OTUD7A: variants seen among roughly 807,000 people sequenced by gnomAD.
The protein encoded by OTUD7A is OTU deubiquitinase 7A, also known as OTU domain-containing protein 7A.
A neutral mutation model predicts 65.7 loss-of-function variants in OTUD7A; 12 were observed. The observed-to-expected ratio is 0.18, with a 90% CI of 0.12 to 0.30. The LOEUF (loss-of-function observed/expected upper bound fraction) is 0.30, where lower values mean the gene tolerates loss of function less well. Ranked by LOEUF, OTUD7A falls within the 10% of genes least tolerant of loss-of-function variation. The pLI is 1.00. For synonymous variants in OTUD7A, 641 were observed against 586.3 expected (o/e 1.09, Z -1.35); for missense variants, 1,148 against 1,304.8 (o/e 0.88, Z 1.85).
At chr15:31,658,122 G>A (rs1033254374) in intron 1 of OTUD7A, among the ~76,000 whole-genome samples, 3 of 152,152 alleles carry the variant, frequency 2.0e-5, no homozygotes, top group Admixed American at 6.5e-5. Flanking sequence ...ATGTTATATC[G>A]CCTCTCTGTG....
chr15:31,819,895 G>A (rs1307613230), intron 1 of OTUD7A, among the ~76,000 whole-genome samples: 3 of 151,884 alleles, frequency 2.0e-5, no homozygotes, highest in African/African-American at 4.8e-5. Context: ...AGTATTTATG[G>A]TTTTGTGATT....
chr15:31,671,863 A>G (rs8042718), intron 1 of OTUD7A, among the ~76,000 whole-genome samples: 6,481 of 152,174 alleles, frequency 0.043, 264 homozygotes, highest in African/African-American at 0.11. Context: ...TTATTTTGCC[A>G]CCCAGGTAAT....
chr15:31,792,220 T>G (rs1043944846), intron 1 of OTUD7A, among the ~76,000 whole-genome samples: 4 of 152,184 alleles, frequency 2.6e-5, no homozygotes, highest in African/African-American at 9.6e-5. Context: ...TCATAAAACC[T>G]CTTGTCTGGC....
chr15:31,576,884 A>G (rs1427879905), intron 3 of OTUD7A, among the ~76,000 whole-genome samples: 1 of 152,140 alleles, frequency 6.6e-6, no homozygotes, highest in Non-Finnish European at 1.5e-5. Context: ...TGCCTGAAAA[A>G]CTGAATTCCT....
At chr15:31,667,354 A>T (rs1892349620) in intron 1 of OTUD7A, among the ~76,000 whole-genome samples, 1 of 152,160 alleles carries the variant, frequency 6.6e-6, no homozygotes, top group South Asian at 2.1e-4. Flanking sequence ...TTCCTGTTGG[A>T]CAAGGCCTTT....
chr15:31,555,656 A>C (rs1888465367), intron 5 of OTUD7A, among the ~76,000 whole-genome samples: 1 of 152,118 alleles, frequency 6.6e-6, no homozygotes, highest in Admixed American at 6.5e-5. Context: ...GAGGGTCTTC[A>C]CGTGAGTCTG....
chr15:31,535,786 C>T lies in OTUD7A; in HGVS notation c.551-4978G>A, dbSNP rs1207548087. 7.9e-5 allele frequency among the ~76,000 whole-genome samples: 12 copies of T among 151,292 alleles called. No homozygotes were observed. The South Asian group carries it at 2.5e-3, about 32-fold the overall frequency. The stretch of plus-strand genomic sequence containing the variant: ...CCACCTCCTGGGTTCATGCCATTCT[C>T]CTGCTTCAGCCTCCCGAGTAGCTGG... On this transcript the variant is annotated intron_variant, in intron 5 of 12. Transcript: ENST00000307050.
At chr15:31,500,746 T>A (rs1186727016) in intron 10 of OTUD7A, among the ~76,000 whole-genome samples, 1 of 152,240 alleles carries the variant, frequency 6.6e-6, no homozygotes, top group Admixed American at 6.5e-5. Context: ...ACCCCTGAGC[T>A]TCCTTCCCCC....
In OTUD7A at chr15:31,501,893, G is replaced by A. The variant is rs1595560393; in HGVS notation, c.1022-54C>T. ...GAGGAGCAGCCAGCTCGAGCTGGGA[G>A]GGGAGGCCCCTGCATCCCTGTCCCT... On this transcript the variant is annotated intron_variant, in intron 9 of 12. Transcript: ENST00000307050. 4.5e-6 allele frequency: 7 copies of A among 1,555,012 alleles called. No homozygotes were observed. The East Asian group carries it at 1.6e-4, about 35-fold the overall frequency.
At chr15:31,539,711 T>C (rs1366622383) in intron 5 of OTUD7A, among the ~76,000 whole-genome samples, 1 of 152,182 alleles carries the variant, frequency 6.6e-6, no homozygotes, top group Admixed American at 6.5e-5. Context: ...GTCTTTATTT[T>C]CAGAAGAAGT....
chr15:31,510,388 T>C (rs1421438207), intron 8 of OTUD7A, among the ~76,000 whole-genome samples: 1 of 151,164 alleles, frequency 6.6e-6, no homozygotes, highest in Non-Finnish European at 1.5e-5. Context: ...CTTTTTTTTT[T>C]CCCCTTCCCC....
chr15:31,817,274 T>TC (rs1896573248), intron 1 of OTUD7A, among the ~76,000 whole-genome samples: 2 of 93,018 alleles, frequency 2.2e-5, no homozygotes, highest in Admixed American at 1.2e-4. Flanking sequence ...CTAGATCATT[T>TC]GCCCCCCCCC....
chr15:31,559,484 G>A (rs1446921386), intron 4 of OTUD7A, among the ~76,000 whole-genome samples: 2 of 151,750 alleles, frequency 1.3e-5, no homozygotes, highest in South Asian at 2.1e-4. Context: ...GCACACATAC[G>A]CATACACACA....
chr15:31,632,090 G>C (rs1190669453), intron 3 of OTUD7A, among the ~76,000 whole-genome samples: 1 of 152,090 alleles, frequency 6.6e-6, no homozygotes, highest in Admixed American at 6.5e-5. Flanking sequence ...CTCTCAGCTC[G>C]TCAAAGTCAT....
chr15:31,765,297 T>C lies in OTUD7A; in HGVS notation c.-100+105210A>G, dbSNP rs187543038. Among the ~76,000 whole-genome samples the C allele has an allele frequency of 5.0e-4, 76 of 152,282 alleles. No homozygotes were observed. In the East Asian group the frequency reaches 0.014, roughly 29 times the overall value. On this transcript the variant is annotated intron_variant, in intron 1 of 12. Transcript: ENST00000307050. ...ATAGAAGAGTGCAACATTTGGCAGC[T>C]GAGAATTATTTCATTGAGTTTTCAA...
At chr15:31,513,436 C>T (rs372139579) in intron 8 of OTUD7A, among the ~76,000 whole-genome samples, 2 of 152,194 alleles carry the variant, frequency 1.3e-5, no homozygotes, top group African/African-American at 4.8e-5. Context: ...CCAGCTGTCC[C>T]AATAATGCCT....
chr15:31,856,668 C>T (rs796911336), intron 1 of OTUD7A, among the ~76,000 whole-genome samples: 5 of 152,294 alleles, frequency 3.3e-5, no homozygotes, highest in African/African-American at 1.2e-4. Flanking sequence ...GGCTTCTTCT[C>T]AACCCCTCCT....
At chr15:31,799,733 T>C in intron 1 of OTUD7A, among the ~76,000 whole-genome samples, 1 of 152,168 alleles carries the variant, frequency 6.6e-6, no homozygotes, top group East Asian at 1.9e-4. Context: ...AGTACTTTGT[T>C]ATGGCAGCCT....
intron 1 of OTUD7A, among the ~76,000 whole-genome samples, chr15:31,695,332 T>C (rs554365010): frequency 0.075 from 10,328 of 137,900 alleles, 409 homozygotes; most frequent in African/African-American, 0.21. Flanking sequence ...TAGTTTTATT[T>C]TACTGAGGAA....
Sources: gnomAD v4.1 joint callset for allele counts (sites outside exome capture counted in the v4.1 genomes callset) on GRCh38, gnomAD v4.1.1 for gene constraint, MANE v1.5 for transcripts, NCBI Gene and HGNC (gene_info 2026-07-23, HGNC 2026-07-21) for gene names.